Variants in HPSE2 observed in about 807,000 individuals in gnomAD.
HPSE2 encodes the protein heparanase 2 (inactive), also known as inactive heparanase-2.
HPSE2 carries 38 observed loss-of-function variants against 60.5 expected under a neutral mutation model. That is an observed-to-expected ratio of 0.63 (90% CI 0.48 to 0.82). The LOEUF (loss-of-function observed/expected upper bound fraction) is 0.82. Among genes scored for constraint, HPSE2 ranks in the 40% least tolerant of loss-of-function variants. HPSE2 has a pLI of 0.00. For missense variants in HPSE2, 713 were observed against 740.4 expected, an observed-to-expected ratio of 0.96 and a Z score of 0.43; for synonymous variants, 295 against 293.2, an observed-to-expected ratio of 1.01 and a Z score of -0.06.
chr10:98,968,242 C>G (rs1955863256), intron 3 of HPSE2, among the ~76,000 whole-genome samples: 1 of 152,130 alleles, frequency 6.6e-6, no homozygotes, highest in Non-Finnish European at 1.5e-5. Context: ...CTTAGTTCAC[C>G]TGTGGGCAAT....
chr10:99,097,259 A>G (rs1347709443), intron 3 of HPSE2, among the ~76,000 whole-genome samples: 1 of 152,230 alleles, frequency 6.6e-6, no homozygotes, highest in Non-Finnish European at 1.5e-5. Flanking sequence ...CTATAAGGTA[A>G]CAAAGAAAAA....
At chr10:98,996,910 G>T (rs1218834633) in intron 3 of HPSE2, among the ~76,000 whole-genome samples, 1 of 152,114 alleles carries the variant, frequency 6.6e-6, no homozygotes, top group African/African-American at 2.4e-5. Flanking sequence ...AACTCTCTGG[G>T]AATGATGAAA....
chr10:99,032,068 A>G (rs1025256197), intron 3 of HPSE2, among the ~76,000 whole-genome samples: 1 of 152,214 alleles, frequency 6.6e-6, no homozygotes, highest in African/African-American at 2.4e-5. Flanking sequence ...TCGCTTAAAT[A>G]TAAGCACAAT....
chr10:98,542,031 GACC>G (rs1305716056), intron 9 of HPSE2, among the ~76,000 whole-genome samples: 486 of 6,212 alleles, frequency 0.078, 1 homozygote, highest in Non-Finnish European at 0.28. Flanking sequence ...GTGGGTCCCT[GACC>G]CCTGACCCCT....
intron 3 of HPSE2, among the ~76,000 whole-genome samples, chr10:99,000,663 C>T (rs1206918643): frequency 2.0e-5 from 3 of 151,916 alleles, no homozygotes; most frequent in Non-Finnish European, 4.4e-5. Context: ...TAGGAAAATG[C>T]AGATTTCTGA....
intron 6 of HPSE2, among the ~76,000 whole-genome samples, chr10:98,648,463 C>G (rs147452383): frequency 6.6e-6 from 1 of 152,194 alleles, no homozygotes; most frequent in East Asian, 1.9e-4. Flanking sequence ...TTGTGGGGCC[C>G]TCTTTAAGAG....
intron 3 of HPSE2, among the ~76,000 whole-genome samples, chr10:98,972,670 T>C (rs963587241): frequency 6.6e-6 from 1 of 152,170 alleles, no homozygotes; most frequent in Non-Finnish European, 1.5e-5. Context: ...AAAAACAACT[T>C]TGCTACTGTC....
chr10:98,632,564 T>C lies in HPSE2; in HGVS notation c.1098+9283A>G, dbSNP rs183912040. ...ACTATAATATTTTTCATGTCTTGTA[T>C]ATGAAGGCCAAGAGTCAAAGTTTCC... On this transcript the variant is annotated intron_variant, in intron 7 of 11. Coordinates refer to ENST00000370552, the MANE Select transcript of HPSE2 (RefSeq NM_021828.5). 3.2e-4 allele frequency among the ~76,000 whole-genome samples: 48 copies of C among 152,316 alleles called. No homozygotes were observed. The East Asian group carries it at 3.5e-3, about 11-fold the overall frequency.
chr10:99,097,669 A>G (rs942436891), intron 3 of HPSE2, among the ~76,000 whole-genome samples: 2 of 152,216 alleles, frequency 1.3e-5, no homozygotes, highest in Non-Finnish European at 2.9e-5. Context: ...GAATATCCCT[A>G]TGTTGTAACA....
chr10:98,464,331 C>A (rs768225994), intron 11 of HPSE2, among the ~76,000 whole-genome samples: 1 of 152,096 alleles, frequency 6.6e-6, no homozygotes, highest in African/African-American at 2.4e-5. Context: ...TTAAAAGGAA[C>A]CCACATGCTT....
At chr10:98,677,469 AAAG>A (rs1947674833) in intron 6 of HPSE2, among the ~76,000 whole-genome samples, 1 of 152,228 alleles carries the variant, frequency 6.6e-6, no homozygotes. Flanking sequence ...ATCTAGAAAA[AAAG>A]AAGGAAACTC....
chr10:99,049,811 A>T (rs1393332930), intron 3 of HPSE2, among the ~76,000 whole-genome samples: 1 of 152,216 alleles, frequency 6.6e-6, no homozygotes, highest in Non-Finnish European at 1.5e-5. Context: ...AACAAGCTAT[A>T]GACCAGGAGA....
intron 3 of HPSE2, among the ~76,000 whole-genome samples, chr10:98,998,429 A>C (rs933343469): frequency 6.6e-5 from 10 of 152,324 alleles, no homozygotes; most frequent in African/African-American, 2.2e-4. Flanking sequence ...GAGATTAAGA[A>C]GACCACGGAT....
At chr10:99,140,931 G>A (rs376818995) in intron 3 of HPSE2, among the ~76,000 whole-genome samples, 29 of 152,266 alleles carry the variant, frequency 1.9e-4, no homozygotes, top group East Asian at 7.7e-4. Flanking sequence ...CAGCTACTCC[G>A]GAGGCTGAGG....
intron 3 of HPSE2, among the ~76,000 whole-genome samples, chr10:98,911,548 T>G (rs1044376116): frequency 1.3e-5 from 2 of 152,018 alleles, no homozygotes; most frequent in African/African-American, 4.8e-5. Flanking sequence ...AGCATTCACA[T>G]AATACCACCA....
chr10:98,612,001 T>A (rs1401767670), intron 9 of HPSE2, among the ~76,000 whole-genome samples: 1 of 152,176 alleles, frequency 6.6e-6, no homozygotes, highest in Non-Finnish European at 1.5e-5. Context: ...AACTCTTATT[T>A]GAGGAGGACA....
At chr10:98,714,512 T>C (rs1275055446) in intron 5 of HPSE2, among the ~76,000 whole-genome samples, 1 of 151,978 alleles carries the variant, frequency 6.6e-6, no homozygotes, top group Admixed American at 6.6e-5. Flanking sequence ...TTAAGGTTTA[T>C]CCATGTTATA....
At chr10:99,265,514 T>C in the HPSE2 span, among the ~76,000 whole-genome samples, 2 of 152,210 alleles carry the variant, frequency 1.3e-5, no homozygotes, top group East Asian at 1.9e-4. Flanking sequence ...GGATGATCAG[T>C]GCAGCAAACC....
At position 98,739,646 on chromosome 10, in the gene HPSE2, G is replaced by C. The variant is rs576382380; in HGVS notation, c.784+4237C>G. ...TTTTACAAAATTACTTAGTAGACAG[G>C]CTCCAGAGAACTGAGTCATATAACT... On this transcript the variant is annotated intron_variant, in intron 4 of 11. Coordinates refer to ENST00000370552, the MANE Select transcript of HPSE2 (RefSeq NM_021828.5). Among the ~76,000 whole-genome samples the C allele has an allele frequency of 9.9e-5, 15 of 152,082 alleles. No homozygotes were observed. In the South Asian group the frequency reaches 3.1e-3, roughly 32 times the overall value.
Sources: gnomAD v4.1 joint callset for allele counts (sites outside exome capture counted in the v4.1 genomes callset) on GRCh38, gnomAD v4.1.1 for gene constraint, MANE v1.5 for transcripts, NCBI Gene and HGNC (gene_info 2026-07-23, HGNC 2026-07-21) for gene names.